ZNF182: variants seen among roughly 807,000 people sequenced by gnomAD.
ZNF182 encodes zinc finger protein 21 (KOX 14).
ZNF182 carries 10 observed loss-of-function variants against 28.1 expected under a neutral mutation model. The ratio of observed to expected loss-of-function variants is 0.36; its 90% confidence interval spans 0.22 to 0.60. ZNF182 has a LOEUF of 0.60. Ranked by LOEUF, ZNF182 falls within the 20% of genes least tolerant of loss-of-function variation. The pLI, the probability that ZNF182 is intolerant of heterozygous loss-of-function variation, is 0.75. For synonymous variants in ZNF182, 156 were observed against 158.7 expected (o/e 0.98, Z 0.13); for missense variants, 352 against 453.2 (o/e 0.78, Z 2.03).
At chrX:48,000,735 T>C (rs1419558282) in intron 3 of ZNF182, among the ~76,000 whole-genome samples, 3 of 111,128 alleles carry the variant, frequency 2.7e-5, no homozygotes, top group Non-Finnish European at 5.7e-5. Flanking sequence ...TTTTCCAAAT[T>C]AAAAATTCTT....
At chrX:47,990,606 G>A (rs1034637429) in intron 3 of ZNF182, among the ~76,000 whole-genome samples, 9 of 111,942 alleles carry the variant, frequency 8.0e-5, no homozygotes, top group Non-Finnish European at 1.7e-4. Flanking sequence ...AACTATTCTC[G>A]CAGCTTCTCT....
At position 47,975,935 on chromosome X, in the gene ZNF182, T is replaced by C; in HGVS notation, c.*232A>G. On this transcript the variant is annotated 3_prime_UTR_variant, in exon 6 of 6. Coordinates refer to ENST00000376943, the MANE Select transcript of ZNF182 (RefSeq NM_001007088.2). Reference sequence around the variant, plus strand: ...TCCTGCACCAGTGCTTCATTTCCTCTGCCTGTGGCAGCCCTCTCATTAGGG... The same window carrying C: ...TCCTGCACCAGTGCTTCATTTCCTCCGCCTGTGGCAGCCCTCTCATTAGGG... 6.3e-6 allele frequency: 2 copies of C among 315,050 alleles called. No individual in the cohort carries two copies. Among genetic ancestry groups the C allele is most frequent in the Non-Finnish European group, 1.1e-5 (2 of 183,080 alleles). 26.0% of individuals were successfully genotyped at this position (315,050 alleles called of 1,213,427 possible). A position where few individuals can be genotyped will look rare whatever the true frequency, so the allele number is the denominator to read the frequency against.
At chrX:47,983,505 A>G (rs1556899409) in intron 3 of ZNF182, 94 bp from the exon 4 acceptor site, 1 of 973,609 alleles carries the variant, frequency 1.0e-6, no homozygotes, top group African/African-American at 2.0e-5. Flanking sequence ...CTGGTTCATC[A>G]TGATGACTCA....
chrX:47,995,338 A>T (rs1188286286), intron 3 of ZNF182, among the ~76,000 whole-genome samples: 1 of 111,708 alleles, frequency 9.0e-6, no homozygotes. Flanking sequence ...TCTCAAAAAT[A>T]AAAAAAAGAA....
In ZNF182 at chrX:47,976,191, C is replaced by T; in HGVS notation, c.1839G>A (p.Arg613=). ...GKKAHGRGHT[R]KSKFMAH ...TCTAATGTGCCATGAACTTTGACTTCCGAGTGTGGCCTCTTCCATGGGCTT... is the reference window on the plus strand; with the variant it reads ...TCTAATGTGCCATGAACTTTGACTTTCGAGTGTGGCCTCTTCCATGGGCTT... The change falls in exon 6 of 6, where the codon CGG becomes CGA. Residue 613 remains arginine, a synonymous_variant. Transcript: ENST00000376943. 3 of 1,157,455 alleles carry T rather than the reference C, an allele frequency of 2.6e-6. No homozygotes were observed. Among genetic ancestry groups the T allele is most frequent in the Non-Finnish European group, 3.4e-6 (3 of 872,189 alleles).
At position 47,976,305 on chromosome X, in the gene ZNF182, TC is replaced by T; in HGVS notation, c.1724del (p.Gly575GlufsTer58). 1 of 1,207,632 alleles carries T rather than the reference TC, an allele frequency of 8.3e-7. No homozygotes were observed. The highest frequency in any genetic ancestry group is 1.1e-6 in the Non-Finnish European group (1 of 894,037). ...TFTVHQRTHT[G>X]EKPYKCTECG... is the part of the protein sequence containing the mutation. ...ATTCTGTACATTTATAGGGTTTCTCTCCAGTATGAGTTCTTTGATGTACAGT... is the reference window on the plus strand; with the variant it reads ...ATTCTGTACATTTATAGGGTTTCTCTCAGTATGAGTTCTTTGATGTACAGT... On this transcript the variant is annotated frameshift_variant, in exon 6 of 6. Transcript: ENST00000376943. LOFTEE classifies it high-confidence loss of function.
intron 3 of ZNF182, among the ~76,000 whole-genome samples, chrX:47,985,565 G>A (rs1556899702): frequency 9.0e-6 from 1 of 111,089 alleles, no homozygotes; most frequent in African/African-American, 3.3e-5. Flanking sequence ...CCTTTGGTTG[G>A]TTCTACTTGT....
chrX:48,000,681 C>T (rs1449794313), intron 3 of ZNF182, among the ~76,000 whole-genome samples: 1 of 112,106 alleles, frequency 8.9e-6, no homozygotes, highest in Non-Finnish European at 1.9e-5. Context: ...TTAGACATGA[C>T]ACCAAGGGCA....
At chrX:47,983,190 T>C in intron 4 of ZNF182, 95 bp downstream of exon 4, 2 of 1,170,504 alleles carry the variant, frequency 1.7e-6, no homozygotes, top group Non-Finnish European at 2.3e-6. Context: ...ACAAACACTT[T>C]TTCAGGAGAG....
chrX:47,991,650 G>A (rs1556900470), intron 3 of ZNF182, among the ~76,000 whole-genome samples: 3 of 111,501 alleles, frequency 2.7e-5, no homozygotes, highest in Admixed American at 1.9e-4. Flanking sequence ...TCCCCACTAA[G>A]TACAACTATA....
chrX:47,990,450 A>T (rs60603011), intron 3 of ZNF182, among the ~76,000 whole-genome samples: 7,195 of 110,890 alleles, frequency 0.065, 327 homozygotes, highest in African/African-American at 0.16. Flanking sequence ...ATTAACTCTC[A>T]AACTGTCACC....
intron 3 of ZNF182, among the ~76,000 whole-genome samples, chrX:47,994,425 A>G (rs192334893): frequency 8.9e-6 from 1 of 111,833 alleles, no homozygotes; most frequent in Non-Finnish European, 1.9e-5. Flanking sequence ...TTCTAACACA[A>G]GGGAAGTGAT....
chrX:47,979,097 C>T (rs1233549039), intron 5 of ZNF182, among the ~76,000 whole-genome samples: 2 of 111,212 alleles, frequency 1.8e-5, no homozygotes, highest in East Asian at 5.6e-4. Context: ...CTTACTTTTC[C>T]CCAAATTTTT....
At chrX:47,978,344 C>G (rs1423843508) in intron 5 of ZNF182, among the ~76,000 whole-genome samples, 5 of 111,422 alleles carry the variant, frequency 4.5e-5, no homozygotes, top group African/African-American at 1.6e-4. Flanking sequence ...GCTGGGATTA[C>G]AAGTGTGAGC....
intron 3 of ZNF182, among the ~76,000 whole-genome samples, chrX:47,994,261 G>A (rs1251138404): frequency 1.8e-5 from 2 of 112,280 alleles, no homozygotes; most frequent in Non-Finnish European, 3.8e-5. Flanking sequence ...TATTTTTCAG[G>A]TGCTAACAAA....
chrX:47,980,892 T>C (rs2058903143), intron 5 of ZNF182, among the ~76,000 whole-genome samples: 1 of 111,946 alleles, frequency 8.9e-6, no homozygotes, highest in African/African-American at 3.2e-5. Context: ...ATATTCTTTC[T>C]GCTGCGTTTC....
At chrX:47,992,806 T>C (rs1466260724) in intron 3 of ZNF182, among the ~76,000 whole-genome samples, 10 of 111,523 alleles carry the variant, frequency 9.0e-5, no homozygotes, top group African/African-American at 2.9e-4. Context: ...CAGTCAGGGC[T>C]CTCCTAGAGA....
chrX:47,999,007 C>T (rs1037136986), intron 3 of ZNF182, among the ~76,000 whole-genome samples: 5 of 112,126 alleles, frequency 4.5e-5, no homozygotes, highest in Non-Finnish European at 7.5e-5. Flanking sequence ...TGGAATCAAC[C>T]TCAGTTTCCA....
intron 3 of ZNF182, among the ~76,000 whole-genome samples, chrX:47,996,346 CA>C (rs1264872457): frequency 7.1e-5 from 7 of 98,540 alleles, no homozygotes; most frequent in Non-Finnish European, 6.2e-5. Context: ...GGGCAACCAC[CA>C]AAAAAAAAAC....
Sources: allele counts gnomAD v4.1 joint callset (sites outside exome capture counted in the v4.1 genomes callset), GRCh38; gene constraint gnomAD v4.1.1; transcripts MANE v1.5; gene names NCBI Gene and HGNC (gene_info 2026-07-23, HGNC 2026-07-21).